LARGE1: variants seen among roughly 807,000 people sequenced by gnomAD.
The protein encoded by LARGE1 is xylosyl- and glucuronyltransferase LARGE1.
Under a neutral mutation model 87.6 loss-of-function variants are expected in LARGE1, and 43 were observed. The observed-to-expected ratio is 0.49, with a 90% CI of 0.38 to 0.63. The LOEUF (loss-of-function observed/expected upper bound fraction) is 0.63, where lower values mean the gene tolerates loss of function less well. Ranked by LOEUF, LARGE1 falls within the 30% of genes least tolerant of loss-of-function variation. The pLI is 0.00. For synonymous variants in LARGE1, 434 were observed against 394.6 expected (o/e 1.10, Z -1.18); for missense variants, 802 against 1,000.2 (o/e 0.80, Z 2.67).
In LARGE1 at chr22:33,283,333, C is replaced by T. The variant is rs114161191; in HGVS notation, c.1746G>A (p.Gln582=). ...LYEYLRKSVI[Q]LDLANTKKAM... Reference sequence around the variant, plus strand: ...CTTTCTTGGTGTTGGCAAGATCGAGCTGGATGACAGACTTCCTGAAAAGAG... The same window carrying T: ...CTTTCTTGGTGTTGGCAAGATCGAGTTGGATGACAGACTTCCTGAAAAGAG... Residue 582 remains glutamine (Q), a synonymous_variant, in exon 13 of 15, where the codon CAG becomes CAA. Transcript: ENST00000397394. The T allele has an allele frequency of 1.3e-5, 21 of 1,614,178 alleles. No individual in the cohort carries two copies. In the East Asian group the frequency reaches 3.8e-4, roughly 29 times the overall value.
chr22:33,604,617 C>G (rs1461722282), intron 4 of LARGE1, 59 bp from the exon 5 acceptor site: 2 of 1,608,208 alleles, frequency 1.2e-6, no homozygotes, highest in Non-Finnish European at 1.7e-6. Flanking sequence ...TGAATTACAG[C>G]TGCAAAAACA....
At chr22:33,368,925 T>A (rs75088044) in intron 9 of LARGE1, among the ~76,000 whole-genome samples, 1,777 of 152,324 alleles carry the variant, frequency 0.012, 22 homozygotes, top group African/African-American at 0.035. Flanking sequence ...ATCCTTTTGC[T>A]GGTGGAGGGT....
At chr22:33,863,021 T>C (rs534477157) in intron 1 of LARGE1, among the ~76,000 whole-genome samples, 1 of 152,284 alleles carries the variant, frequency 6.6e-6, no homozygotes, top group Admixed American at 6.5e-5. Context: ...AATTAAGCTG[T>C]CCGAGAGCAT....
the LARGE1 span, among the ~76,000 whole-genome samples, chr22:33,119,794 C>T: frequency 7.9e-5 from 12 of 152,174 alleles, no homozygotes; most frequent in African/African-American, 2.7e-4. Flanking sequence ...GTGCCACTGA[C>T]ACGTGTGGAG....
intron 12 of LARGE1, among the ~76,000 whole-genome samples, chr22:33,286,181 G>A (rs375085765): frequency 2.2e-4 from 34 of 152,248 alleles, no homozygotes; most frequent in East Asian, 1.2e-3. Flanking sequence ...TTCTTCTCCC[G>A]CTTTGTCTGT....
intron 2 of LARGE1, among the ~76,000 whole-genome samples, chr22:33,664,472 C>T (rs2081212653): frequency 6.6e-6 from 1 of 152,184 alleles, no homozygotes; most frequent in Admixed American, 6.5e-5. Context: ...CACTATGACC[C>T]CAGTTCTGGG....
intron 1 of LARGE1, among the ~76,000 whole-genome samples, chr22:33,912,533 T>C (rs1279690845): frequency 6.6e-6 from 1 of 152,188 alleles, no homozygotes; most frequent in Admixed American, 6.5e-5. Flanking sequence ...GCTCTCTCAG[T>C]AGTCAGGGTT....
At chr22:33,087,959 A>G in the LARGE1 span, among the ~76,000 whole-genome samples, 10 of 152,212 alleles carry the variant, frequency 6.6e-5, no homozygotes, top group South Asian at 2.1e-3. Flanking sequence ...ACTAAAATAA[A>G]AATTTAATTT....
chr22:33,408,008 T>C (rs1035970317), intron 7 of LARGE1, among the ~76,000 whole-genome samples: 17 of 133,310 alleles, frequency 1.3e-4, no homozygotes, highest in Admixed American at 8.1e-4. Flanking sequence ...TGAGACGGAG[T>C]CTTTTTCTGT....
the LARGE1 span, among the ~76,000 whole-genome samples, chr22:33,096,560 GTTTTTGTT>G: frequency 0.046 from 5,848 of 127,390 alleles, 93 homozygotes; most frequent in Non-Finnish European, 0.059. Flanking sequence ...GTTTGTTTTT[GTTTTTGTT>G]TTTTTTTTTT....
chr22:33,655,381 C>A (rs935810577), intron 2 of LARGE1, among the ~76,000 whole-genome samples: 2 of 152,144 alleles, frequency 1.3e-5, no homozygotes, highest in African/African-American at 4.8e-5. Context: ...CAAACTCAAA[C>A]TGAATCACCA....
intron 2 of LARGE1, among the ~76,000 whole-genome samples, chr22:33,730,234 T>C (rs544054526): frequency 2.0e-5 from 3 of 152,328 alleles, no homozygotes; most frequent in South Asian, 4.1e-4. Context: ...TATTTTCCTT[T>C]TGATGTTCTT....
chr22:33,874,038 T>C (rs1320426569), intron 1 of LARGE1, among the ~76,000 whole-genome samples: 1 of 151,096 alleles, frequency 6.6e-6, no homozygotes, highest in African/African-American at 2.4e-5. Flanking sequence ...ATTCTTCTCC[T>C]CCTGTCCTCT....
intron 10 of LARGE1, among the ~76,000 whole-genome samples, chr22:33,333,455 C>T (rs1449613931): frequency 6.6e-6 from 1 of 152,186 alleles, no homozygotes; most frequent in Admixed American, 6.5e-5. Flanking sequence ...GGAGAAACTC[C>T]AAGCTTCTCA....
chr22:33,107,764 A>G, the LARGE1 span, among the ~76,000 whole-genome samples: 3 of 150,418 alleles, frequency 2.0e-5, no homozygotes, highest in African/African-American at 7.4e-5. Context: ...GCTACTAGGG[A>G]GGCTGAGGAG....
At chr22:33,089,353 TCTTCTTCTTCTTCTTCTC>T in the LARGE1 span, among the ~76,000 whole-genome samples, 17,861 of 112,076 alleles carry the variant, frequency 0.16, 1,530 homozygotes, top group East Asian at 0.47. Flanking sequence ...TTCTTCTTCT[TCTTCTTCTTCTTCTTCTC>T]CTTCTTCTTC....
intron 5 of LARGE1, among the ~76,000 whole-genome samples, chr22:33,585,127 A>G (rs188688002): frequency 2.0e-5 from 3 of 152,326 alleles, no homozygotes; most frequent in Non-Finnish European, 4.4e-5. Flanking sequence ...AATAAAAAAC[A>G]AACAAAACAA....
At chr22:33,365,743 A>T (rs2064563868) in intron 9 of LARGE1, among the ~76,000 whole-genome samples, 1 of 151,550 alleles carries the variant, frequency 6.6e-6, no homozygotes, top group African/African-American at 2.4e-5. Flanking sequence ...TAGCCTCCTG[A>T]GTAGCTGGGA....
At chr22:33,090,893 G>T in the LARGE1 span, among the ~76,000 whole-genome samples, 1 of 152,160 alleles carries the variant, frequency 6.6e-6, no homozygotes, top group Non-Finnish European at 1.5e-5. Context: ...TTGGACACCT[G>T]GTGATAGGGA....
Sources: gnomAD v4.1 joint callset for allele counts (sites outside exome capture counted in the v4.1 genomes callset) on GRCh38, gnomAD v4.1.1 for gene constraint, MANE v1.5 for transcripts, NCBI Gene and HGNC (gene_info 2026-07-23, HGNC 2026-07-21) for gene names.